MIER1: variants seen among roughly 807,000 people sequenced by gnomAD.
MIER1 encodes the protein mesoderm induction early response protein 1.
In MIER1, 40 loss-of-function variants were observed where a neutral mutation model predicts 75.7. The observed-to-expected ratio is 0.53, with a 90% confidence interval of 0.41 to 0.69. The LOEUF (loss-of-function observed/expected upper bound fraction) is 0.69, where lower values mean the gene tolerates loss of function less well. Among genes scored for constraint, MIER1 ranks in the 30% least tolerant of loss-of-function variants. The pLI, the probability that MIER1 is intolerant of heterozygous loss-of-function variation, is 0.00. For missense variants in MIER1, 574 were observed against 680.2 expected, an observed-to-expected ratio of 0.84 and a Z score of 1.74; for synonymous variants, 213 against 223.4, an observed-to-expected ratio of 0.95 and a Z score of 0.42.
chr1:66,928,218 CTT>C (rs748676472), intron 2 of MIER1, among the ~76,000 whole-genome samples: 1 of 151,834 alleles, frequency 6.6e-6, no homozygotes, highest in Non-Finnish European at 1.5e-5. Context: ...TATTAATAAA[CTT>C]AAAGAGTTAT....
intron 3 of MIER1, among the ~76,000 whole-genome samples, chr1:66,944,229 A>G (rs1211395080): frequency 1.3e-5 from 2 of 151,906 alleles, no homozygotes; most frequent in African/African-American, 4.8e-5. Context: ...TGCTTTACTT[A>G]TTGTTTATCT....
chr1:66,958,056 TA>T lies in MIER1; in HGVS notation c.340-2del. ...AGATTACCTTTTATTTTGATTTATT[TA>T]GGAAGGCGACATGCCAATTCATGAA... On this transcript the variant is annotated splice_acceptor_variant, in intron 4 of 13. Transcript: ENST00000401041. LOFTEE classifies it high-confidence loss of function. 1 of 1,565,514 alleles carries T rather than the reference TA, an allele frequency of 6.4e-7. No homozygotes were observed.
In MIER1 at chr1:66,940,188, A is replaced by G. The variant is rs1655853465; in HGVS notation, c.193+136A>G. The stretch of plus-strand genomic sequence containing the variant: ...GCTTCTTTTCTCTGGGGAAAAAGAA[A>G]TGGATGAAAGGTTTGACTGCCCATG... On this transcript the variant is annotated intron_variant, in intron 3 of 13. Transcript: ENST00000401041. 8 of 588,790 alleles carry G rather than the reference A, an allele frequency of 1.4e-5. No homozygotes were observed. In the South Asian group the frequency reaches 1.9e-4, roughly 14 times the overall value. The allele number at this position is 588,790 out of a possible 1,614,324, so 36.5% of individuals were successfully genotyped here. A position where few individuals can be genotyped will look rare whatever the true frequency, so the allele number is the denominator to read the frequency against.
intron 4 of MIER1, among the ~76,000 whole-genome samples, chr1:66,949,744 T>C (rs1190934838): frequency 2.0e-5 from 3 of 152,338 alleles, no homozygotes; most frequent in African/African-American, 7.2e-5. Context: ...TGATTATTGA[T>C]TTGCTTTTAT....
intron 4 of MIER1, among the ~76,000 whole-genome samples, chr1:66,950,950 A>G (rs1284213523): frequency 6.6e-6 from 1 of 152,116 alleles, no homozygotes; most frequent in Non-Finnish European, 1.5e-5. Flanking sequence ...TTTTGGTACA[A>G]CAGGTGTAAG....
At position 66,985,301 on chromosome 1, in the gene MIER1, C is replaced by G; in HGVS notation, c.*401C>G. Reference sequence around the variant, plus strand: ...TAGTTTGATGGATGAATGGGAAACTCAAGTCCAAATTTCTGCTTAATACCA... The same window carrying G: ...TAGTTTGATGGATGAATGGGAAACTGAAGTCCAAATTTCTGCTTAATACCA... On this transcript the variant is annotated 3_prime_UTR_variant, in exon 14 of 14. Transcript: ENST00000401041. The G allele has an allele frequency of 1.0e-6, 1 of 985,360 alleles. No homozygotes were observed. The highest frequency in any genetic ancestry group is 1.2e-6 in the Non-Finnish European group (1 of 829,786). The allele number at this position is 985,360 out of a possible 1,614,324, so 61.0% of individuals were successfully genotyped here.
chr1:66,971,186 C>T (rs1663530916), intron 9 of MIER1, among the ~76,000 whole-genome samples: 2 of 152,124 alleles, frequency 1.3e-5, no homozygotes, highest in African/African-American at 4.8e-5. Flanking sequence ...ATATACTTTT[C>T]ATTAGGCTTT....
chr1:66,953,834 T>C (rs1977337), intron 4 of MIER1, among the ~76,000 whole-genome samples: 133,731 of 151,962 alleles, frequency 0.88, 59,017 homozygotes, highest in East Asian at 0.95. Context: ...GAACTCCTGA[T>C]CTCAAGTGAT....
intron 1 of MIER1, chr1:66,925,575 G>A (rs1651447578): frequency 1.0e-6 from 1 of 983,620 alleles, no homozygotes; most frequent in African/African-American, 1.7e-5. Context: ...TTCGGATGGA[G>A]TCAGGGAGGG....
chr1:66,928,995 A>G (rs370702195), intron 2 of MIER1: 19 of 1,293,326 alleles, frequency 1.5e-5, no homozygotes, highest in Non-Finnish European at 2.1e-5. Context: ...GCTACTTCAT[A>G]TATCTGTAAA....
At chr1:66,940,094 C>T in intron 3 of MIER1, 42 bp downstream of exon 3, 1 of 1,465,574 alleles carries the variant, frequency 6.8e-7, no homozygotes, top group East Asian at 2.3e-5. Context: ...ATTTGAGTAA[C>T]ATTTGTCCTA....
chr1:66,953,575 G>A (rs937510766), intron 4 of MIER1, among the ~76,000 whole-genome samples: 5 of 150,324 alleles, frequency 3.3e-5, no homozygotes, highest in Non-Finnish European at 7.4e-5. Context: ...TTTAATACTA[G>A]TAAGTAAGCA....
At chr1:66,927,786 G>A (rs1306731957) in intron 2 of MIER1, among the ~76,000 whole-genome samples, 2 of 152,126 alleles carry the variant, frequency 1.3e-5, no homozygotes, top group Non-Finnish European at 2.9e-5. Context: ...TAGGCAGAAA[G>A]CCTGGTAGTA....
intron 3 of MIER1, chr1:66,940,331 T>C (rs1472271987): frequency 6.9e-6 from 2 of 291,164 alleles, no homozygotes; most frequent in East Asian, 5.9e-5. Flanking sequence ...TTTGTATTAT[T>C]GTTTGACTTG....
chr1:66,978,296 A>G (rs201004817), intron 12 of MIER1, among the ~76,000 whole-genome samples: 1 of 149,352 alleles, frequency 6.7e-6, no homozygotes, highest in Non-Finnish European at 1.5e-5. Flanking sequence ...ATAGGTAGGT[A>G]TCTCTGCTGG....
chr1:66,971,553 CA>C lies in MIER1; in HGVS notation c.925-97del, dbSNP rs1663613535. On this transcript the variant is annotated intron_variant, in intron 9 of 13. Transcript: ENST00000401041. Reference sequence around the variant, plus strand: ...AACATTCACTAAAGTTATTTGCCCTCAAAAAGGATGAAAACACTGGATGTTT... The same window carrying C: ...AACATTCACTAAAGTTATTTGCCCTCAAAAGGATGAAAACACTGGATGTTT... 7 of 636,198 alleles carry C rather than the reference CA, an allele frequency of 1.1e-5. No homozygotes were observed. In the East Asian group the frequency reaches 1.7e-4, roughly 16 times the overall value. The allele number at this position is 636,198 out of a possible 1,614,324, so 39.4% of individuals were successfully genotyped here. A position where few individuals can be genotyped will look rare whatever the true frequency, so the allele number is the denominator to read the frequency against.
rs895431874 is a variant in MIER1 at position 66,925,073 on chromosome 1, C to G, written c.45C>G (p.Gly15=). 3 of 1,547,292 alleles carry G rather than the reference C, an allele frequency of 1.9e-6. No homozygotes were observed. In the South Asian group the frequency reaches 3.6e-5, roughly 18 times the overall value. ...SSGGGGSSEG[G]GGSSGSGYGV... is the part of the protein sequence containing the mutation. Reference sequence around the variant, plus strand: ...GCGGTGGCGGCAGCAGCGAAGGTGGCGGCGGCAGCAGCGGCAGCGGCTGTA... The same window carrying G: ...GCGGTGGCGGCAGCAGCGAAGGTGGGGGCGGCAGCAGCGGCAGCGGCTGTA... The change falls in exon 1 of 14, where the codon GGC becomes GGG. Residue 15 remains glycine (G), a synonymous_variant. Coordinates refer to ENST00000401041, the MANE Select transcript of MIER1 (RefSeq NM_001077700.3).
chr1:66,981,769 T>C lies in MIER1; in HGVS notation c.1230-10T>C. On this transcript the variant is annotated splice_polypyrimidine_tract_variant and intron_variant, in intron 12 of 13. Coordinates refer to ENST00000401041, the MANE Select transcript of MIER1 (RefSeq NM_001077700.3). ...CTTTTTAATATAAAAATTGTTTTAT[T>C]AATTTTAAGGGATTACATGGATCGT... is the stretch of plus-strand genomic sequence containing the variant. 6.3e-7 allele frequency: 1 copy of C among 1,582,230 alleles called. No homozygotes were observed. The highest frequency in any genetic ancestry group is 8.6e-7 in the Non-Finnish European group (1 of 1,167,384).
In MIER1 at chr1:66,975,990, T is replaced by TTTTG. The variant is rs1553256042; in HGVS notation, c.1102-604_1102-603insTTGT. Among the ~76,000 whole-genome samples, 944 of 151,738 alleles carry TTTTG rather than the reference T, an allele frequency of 6.2e-3. 7 individuals carry two copies. Among genetic ancestry groups the TTTTG allele is most frequent in the African/African-American group, 0.021 (878 of 41,344 alleles). Reference sequence around the variant, plus strand: ...TGAATGCCACTTCCAGGCCTTTTTTTTGTGTGTGTGTGTGTGAGACTGAGT... The same window carrying TTTTG: ...TGAATGCCACTTCCAGGCCTTTTTTTTTTGTGTGTGTGTGTGTGTGAGACTGAGT... On this transcript the variant is annotated intron_variant, in intron 11 of 13. Coordinates refer to ENST00000401041, the MANE Select transcript of MIER1 (RefSeq NM_001077700.3).
Sources: allele counts gnomAD v4.1 joint callset (sites outside exome capture counted in the v4.1 genomes callset), GRCh38; gene constraint gnomAD v4.1.1; transcripts MANE v1.5; gene names NCBI Gene and HGNC (gene_info 2026-07-23, HGNC 2026-07-21).